Variants in CCBE1 observed in about 807,000 individuals in gnomAD.
The protein encoded by CCBE1 is collagen and calcium binding EGF domains 1.
A neutral mutation model predicts 50.0 loss-of-function variants in CCBE1; 37 were observed. That is an observed-to-expected ratio of 0.74 (90% CI 0.57 to 0.97). CCBE1 has a LOEUF of 0.97. Ranked by LOEUF, CCBE1 falls within the 50% of genes least tolerant of loss-of-function variation. The probability of loss-of-function intolerance (pLI) is 0.00; values close to 1 mark genes in which losing one functional copy is unlikely to be tolerated. For missense variants in CCBE1, 538 were observed against 523.8 expected, an observed-to-expected ratio of 1.03 and a Z score of -0.26; for synonymous variants, 234 against 203.7, an observed-to-expected ratio of 1.15 and a Z score of -1.27.
chr18:59,579,642 C>T (rs1005243889), intron 2 of CCBE1, among the ~76,000 whole-genome samples: 12 of 152,318 alleles, frequency 7.9e-5, no homozygotes, highest in East Asian at 1.9e-4. Flanking sequence ...GGGCCCTCGG[C>T]GGTTCCTACA....
chr18:59,632,771 G>A (rs201274579), intron 2 of CCBE1, among the ~76,000 whole-genome samples: 10 of 150,364 alleles, frequency 6.7e-5, no homozygotes, highest in African/African-American at 2.0e-4. Context: ...TATTTTATTT[G>A]TTTTATTTTA....
intron 2 of CCBE1, among the ~76,000 whole-genome samples, chr18:59,559,004 A>C (rs2052693286): frequency 6.6e-6 from 1 of 152,068 alleles, no homozygotes; most frequent in Non-Finnish European, 1.5e-5. Flanking sequence ...CTGGACCTGG[A>C]CCCCGGGATC....
At chr18:59,466,970 T>C in intron 4 of CCBE1, 79 bp from the exon 5 acceptor site, 7 of 1,279,418 alleles carry the variant, frequency 5.5e-6, no homozygotes, top group African/African-American at 1.5e-5. Context: ...GGGCTTTGCC[T>C]CTCTGTTAAT....
At chr18:59,557,487 G>A (rs2052670657) in intron 2 of CCBE1, among the ~76,000 whole-genome samples, 1 of 152,120 alleles carries the variant, frequency 6.6e-6, no homozygotes, top group South Asian at 2.1e-4. Context: ...GTAACAGAAG[G>A]ATCAGGGGCT....
chr18:59,681,185 A>G (rs544201160), intron 2 of CCBE1, among the ~76,000 whole-genome samples: 6 of 152,322 alleles, frequency 3.9e-5, no homozygotes, highest in Non-Finnish European at 5.9e-5. Context: ...CCGGAGCAGC[A>G]GAACGATGAA....
At chr18:59,582,673 C>G (rs961050485) in intron 2 of CCBE1, among the ~76,000 whole-genome samples, 1 of 152,174 alleles carries the variant, frequency 6.6e-6, no homozygotes, top group South Asian at 2.1e-4. Flanking sequence ...AGCCACCCCC[C>G]AGTCCACACC....
intron 7 of CCBE1, among the ~76,000 whole-genome samples, chr18:59,443,185 A>G (rs6567086): frequency 0.27 from 40,956 of 152,028 alleles, 6,094 homozygotes; most frequent in Middle Eastern, 0.39. Context: ...TTGACCCACA[A>G]CACAGAGAGT....
At chr18:59,620,459 T>C (rs372638744) in intron 2 of CCBE1, among the ~76,000 whole-genome samples, 27 of 152,194 alleles carry the variant, frequency 1.8e-4, no homozygotes, top group Non-Finnish European at 1.5e-4. Context: ...ATTTTTGACC[T>C]ACATGAGATT....
chr18:59,448,922 A>G (rs1910804337), intron 6 of CCBE1, among the ~76,000 whole-genome samples: 1 of 152,152 alleles, frequency 6.6e-6, no homozygotes, highest in Admixed American at 6.5e-5. Context: ...TGTCATAGCA[A>G]TAGACCACCA....
At chr18:59,694,299 C>T (rs1210633436) in intron 2 of CCBE1, among the ~76,000 whole-genome samples, 1 of 152,204 alleles carries the variant, frequency 6.6e-6, no homozygotes, top group African/African-American at 2.4e-5. Context: ...AGTCAAAGAA[C>T]ATTCCATCAT....
rs565010397 is a variant in CCBE1 at position 59,666,791 on chromosome 18, C to T, written c.212+29838G>A. On this transcript the variant is annotated intron_variant, in intron 2 of 10. Coordinates refer to ENST00000439986, the MANE Select transcript of CCBE1 (RefSeq NM_133459.4). Reference sequence around the variant, plus strand: ...ACCATCCTGGCTAACATGGTGAAACCCCATCTCTACTAAAAACACAAAAAC... The same window carrying T: ...ACCATCCTGGCTAACATGGTGAAACTCCATCTCTACTAAAAACACAAAAAC... Among the ~76,000 whole-genome samples, 386 of 152,088 alleles carry T rather than the reference C, an allele frequency of 2.5e-3. 1 individual carries two copies. The highest frequency in any genetic ancestry group is 7.9e-3 in the African/African-American group (329 of 41,462).
rs112357958 is a variant in CCBE1 at position 59,659,695 on chromosome 18, T to A, written c.212+36934A>T. ...CTCAGGGAAGCAGAGCTGAGCCTGA[T>A]GACAGTGCCCAGTGACACGTAGCTA... On this transcript the variant is annotated intron_variant, in intron 2 of 10. Coordinates refer to ENST00000439986, the MANE Select transcript of CCBE1 (RefSeq NM_133459.4). 3.3e-5 allele frequency among the ~76,000 whole-genome samples: 5 copies of A among 152,280 alleles called. No individual in the cohort carries two copies. In the East Asian group the frequency reaches 9.6e-4, roughly 29 times the overall value.
At chr18:59,444,341 T>C (rs181673446) in intron 7 of CCBE1, among the ~76,000 whole-genome samples, 1 of 152,278 alleles carries the variant, frequency 6.6e-6, no homozygotes, top group East Asian at 1.9e-4. Context: ...AGGGTCTCTG[T>C]TGCCTAGGCT....
At chr18:59,688,678 A>C (rs2054690024) in intron 2 of CCBE1, among the ~76,000 whole-genome samples, 1 of 152,218 alleles carries the variant, frequency 6.6e-6, no homozygotes, top group Non-Finnish European at 1.5e-5. Flanking sequence ...GCTTCTTAGA[A>C]ACTGGCAGAT....
At chr18:59,625,584 A>T (rs1214650647) in intron 2 of CCBE1, among the ~76,000 whole-genome samples, 1 of 152,180 alleles carries the variant, frequency 6.6e-6, no homozygotes, top group African/African-American at 2.4e-5. Context: ...AAGGAGACTG[A>T]ATTAGTTCTG....
intron 2 of CCBE1, among the ~76,000 whole-genome samples, chr18:59,689,721 A>AT (rs2054704234): frequency 6.6e-6 from 1 of 152,192 alleles, no homozygotes; most frequent in African/African-American, 2.4e-5. Flanking sequence ...GGCTTGGGGT[A>AT]TTTGTCCCTA....
chr18:59,659,433 G>A (rs2054252274), intron 2 of CCBE1, among the ~76,000 whole-genome samples: 1 of 152,056 alleles, frequency 6.6e-6, no homozygotes, highest in Admixed American at 6.6e-5. Context: ...ATTCTCTCGG[G>A]CATGAAAAGG....
intron 2 of CCBE1, among the ~76,000 whole-genome samples, chr18:59,519,455 C>G (rs1446685061): frequency 6.6e-6 from 1 of 152,156 alleles, no homozygotes; most frequent in African/African-American, 2.4e-5. Context: ...TCTGAATGAG[C>G]TAGAAAATTG....
rs1262363735 is a variant in CCBE1 at position 59,457,977 on chromosome 18, AAAG to A, written c.554-3029_554-3027del. Among the ~76,000 whole-genome samples the A allele has an allele frequency of 2.0e-5, 3 of 152,244 alleles. No homozygotes were observed. The East Asian group carries it at 5.8e-4, about 29-fold the overall frequency. On this transcript the variant is annotated intron_variant, in intron 5 of 10. Transcript: ENST00000439986. ...CAGGAAATGGTGGGCTCCTGCATGAAAAGATGACCCAGGCTCCAGGTTTATTAT... is the reference window on the plus strand; with the variant it reads ...CAGGAAATGGTGGGCTCCTGCATGAAATGACCCAGGCTCCAGGTTTATTAT...
Sources: allele counts gnomAD v4.1 joint callset (sites outside exome capture counted in the v4.1 genomes callset), GRCh38; gene constraint gnomAD v4.1.1; transcripts MANE v1.5; gene names NCBI Gene and HGNC (gene_info 2026-07-23, HGNC 2026-07-21).